Variants in LIN54 observed in about 807,000 individuals in gnomAD.
LIN54 encodes the protein lin-54 DREAM MuvB core complex component, also known as protein lin-54 homolog.
A neutral mutation model predicts 78.7 loss-of-function variants in LIN54; 9 were observed. The ratio of observed to expected loss-of-function variants is 0.11; its 90% confidence interval spans 0.07 to 0.20. LIN54 has a LOEUF of 0.20. Among genes scored for constraint, LIN54 ranks in the 10% least tolerant of loss-of-function variants. The pLI, the probability that LIN54 is intolerant of heterozygous loss-of-function variation, is 1.00. For missense variants in LIN54, 573 were observed against 889.9 expected (o/e 0.64, Z 4.53); for synonymous variants, 269 against 318.4 (o/e 0.84, Z 1.65).
intron 4 of LIN54, among the ~76,000 whole-genome samples, chr4:82,962,480 G>A (rs1036618962): frequency 6.6e-6 from 1 of 152,070 alleles, no homozygotes; most frequent in Admixed American, 6.6e-5. Flanking sequence ...GCCAGACTCA[G>A]AGATGATCCA....
intron 3 of LIN54, among the ~76,000 whole-genome samples, chr4:82,976,639 C>T (rs1239793558): frequency 6.6e-6 from 1 of 151,994 alleles, no homozygotes; most frequent in Non-Finnish European, 1.5e-5. Flanking sequence ...ACCCAGGAGG[C>T]GGAGGTTGCA....
At chr4:83,010,969 C>G (rs947543330), upstream of LIN54, 3 of 652,336 alleles carry the variant, frequency 4.6e-6, no homozygotes, top group Admixed American at 1.4e-4. Context: ...CGAGACCTTT[C>G]ACCCCCGGGC....
chr4:82,989,989 T>A (rs929862515), intron 1 of LIN54, among the ~76,000 whole-genome samples: 2 of 152,174 alleles, frequency 1.3e-5, no homozygotes, highest in Admixed American at 1.3e-4. Flanking sequence ...CAATCCTACC[T>A]CTCAACTAAG....
upstream of LIN54, among the ~76,000 whole-genome samples, chr4:83,011,782 A>G (rs1359630103): frequency 2.6e-5 from 4 of 151,326 alleles, no homozygotes; most frequent in Non-Finnish European, 5.9e-5. Flanking sequence ...ACAAAACATA[A>G]GCTGCAAGGC....
chr4:82,979,538 C>A (rs1409577824), intron 2 of LIN54, among the ~76,000 whole-genome samples: 1 of 151,968 alleles, frequency 6.6e-6, no homozygotes, highest in Non-Finnish European at 1.5e-5. Flanking sequence ...AGTTAAAGCC[C>A]TAGGGTACAA....
intron 1 of LIN54, among the ~76,000 whole-genome samples, chr4:82,988,097 A>T (rs1268449847): frequency 6.6e-6 from 1 of 151,778 alleles, no homozygotes; most frequent in Non-Finnish European, 1.5e-5. Context: ...ATGGTATCTC[A>T]TTGTGATTTT....
intron 1 of LIN54, among the ~76,000 whole-genome samples, chr4:83,004,510 A>T (rs1238600835): frequency 6.6e-6 from 1 of 151,990 alleles, no homozygotes; most frequent in African/African-American, 2.4e-5. Flanking sequence ...TTTTGTTTTG[A>T]GATAGTGTCT....
intron 1 of LIN54, among the ~76,000 whole-genome samples, chr4:83,003,139 G>T (rs1729011002): frequency 6.6e-6 from 1 of 151,970 alleles, no homozygotes; most frequent in Admixed American, 6.6e-5. Flanking sequence ...TCAGCCTCCT[G>T]AGTAGCTGGG....
chr4:82,969,757 G>A (rs1725492965), intron 4 of LIN54, among the ~76,000 whole-genome samples: 3 of 152,200 alleles, frequency 2.0e-5, no homozygotes, highest in Admixed American at 2.0e-4. Context: ...TGTTATGCTG[G>A]TATAATAACA....
chr4:82,986,126 C>T (rs1004839999), intron 1 of LIN54, among the ~76,000 whole-genome samples: 2 of 152,000 alleles, frequency 1.3e-5, no homozygotes, highest in Non-Finnish European at 2.9e-5. Flanking sequence ...TCTTCCTTTT[C>T]GTTTTTGAGA....
At chr4:82,979,966 A>G (rs1412602148) in intron 2 of LIN54, among the ~76,000 whole-genome samples, 2 of 142,272 alleles carry the variant, frequency 1.4e-5, no homozygotes, top group Non-Finnish European at 3.1e-5. Flanking sequence ...AAAAAAAAAA[A>G]TACTGGGTCT....
intron 1 of LIN54, among the ~76,000 whole-genome samples, chr4:82,988,848 T>G (rs1450491816): frequency 6.6e-6 from 1 of 152,214 alleles, no homozygotes; most frequent in Non-Finnish European, 1.5e-5. Context: ...TGTCTGTCTG[T>G]ATATCTTCCT....
At chr4:83,005,186 G>A (rs934484733) in intron 1 of LIN54, among the ~76,000 whole-genome samples, 2 of 152,070 alleles carry the variant, frequency 1.3e-5, no homozygotes. Flanking sequence ...ATGAGCCACC[G>A]CACCTGGCCT....
At chr4:82,993,569 G>A (rs1727929345) in intron 1 of LIN54, among the ~76,000 whole-genome samples, 1 of 151,770 alleles carries the variant, frequency 6.6e-6, no homozygotes, top group Admixed American at 6.6e-5. Flanking sequence ...ACTAAATGAT[G>A]CCCATGGTCT....
intron 4 of LIN54, among the ~76,000 whole-genome samples, chr4:82,964,829 T>C (rs1367317631): frequency 6.6e-6 from 1 of 152,122 alleles, no homozygotes; most frequent in East Asian, 1.9e-4. Flanking sequence ...CTAGCCAACA[T>C]GGCGAAACTA....
Position 83,010,476 on chromosome 4 carries a change from T to A in LIN54, c.-33+8A>T. The A allele has an allele frequency of 1.0e-6, 1 of 956,542 alleles. No homozygotes were observed. The highest frequency in any genetic ancestry group is 2.2e-5 in the African/African-American group (1 of 44,850). The allele number at this position is 956,542 out of a possible 1,614,324, so 59.3% of individuals were successfully genotyped here. On this transcript the variant is annotated splice_region_variant and intron_variant, in intron 1 of 12. Coordinates refer to ENST00000340417, the MANE Select transcript of LIN54 (RefSeq NM_194282.4). ...AGAGAAGCCCTCGGGTACCCCATCCTCCTCTACCTCCAGCGGCTGCCGCTT... is the reference window on the plus strand; with the variant it reads ...AGAGAAGCCCTCGGGTACCCCATCCACCTCTACCTCCAGCGGCTGCCGCTT...
chr4:82,936,075 C>T lies in LIN54; in HGVS notation c.1751G>A (p.Gly584Glu). Residue 584 changes from glycine (G) to glutamate (E), a missense_variant, in exon 11 of 13, where the codon GGG becomes GAG. Physicochemically the swap from Gly to Glu is moderately conservative, Grantham distance 98. Transcript: ENST00000340417. ...ATCAGATTCTCCCTCCTTTCCTTTC[C>T]CTATCTTAGGCTTAAAGGCTTCTGG... ...RNPEAFKPKI[G>E]KGKEGESDRR... The T allele has an allele frequency of 6.2e-7, 1 of 1,614,014 alleles. No individual in the cohort carries two copies. Among genetic ancestry groups the T allele is most frequent in the Admixed American group, 1.7e-5 (1 of 60,024 alleles).
Position 82,927,690 on chromosome 4 carries a change from C to T in LIN54, c.*412G>A, listed in dbSNP as rs1445712859. 6.3e-6 allele frequency: 1 copy of T among 158,166 alleles called. No homozygotes were observed. Among genetic ancestry groups the T allele is most frequent in the Non-Finnish European group, 1.4e-5 (1 of 71,620 alleles). The allele number at this position is 158,166 out of a possible 1,614,324, so 9.8% of individuals were successfully genotyped here. On this transcript the variant is annotated 3_prime_UTR_variant, in exon 13 of 13. Coordinates refer to ENST00000340417, the MANE Select transcript of LIN54 (RefSeq NM_194282.4). ...AGAATTTGTTTATGTAACATTCTGT[C>T]TGCAGATATTCTAGATCAAGTCCCA...
intron 11 of LIN54, among the ~76,000 whole-genome samples, chr4:82,932,062 G>A (rs1721992558): frequency 6.6e-6 from 1 of 150,688 alleles, no homozygotes; most frequent in Non-Finnish European, 1.5e-5. Flanking sequence ...CTAGAATTGG[G>A]CTCACTGGTT....
Sources: gnomAD v4.1 joint callset for allele counts (sites outside exome capture counted in the v4.1 genomes callset) on GRCh38, gnomAD v4.1.1 for gene constraint, MANE v1.5 for transcripts, NCBI Gene and HGNC (gene_info 2026-07-23, HGNC 2026-07-21) for gene names.